Variants in PNLIPRP3 observed in about 807,000 individuals in gnomAD.
PNLIPRP3 encodes pancreatic lipase-related protein 3.
In PNLIPRP3, 58 loss-of-function variants were observed where a neutral mutation model predicts 52.8. That is an observed-to-expected ratio of 1.10 (90% CI 0.89 to 1.37). PNLIPRP3 has a LOEUF of 1.37. PNLIPRP3 is among the 40% of genes most tolerant of loss of function. The pLI, the probability that PNLIPRP3 is intolerant of heterozygous loss-of-function variation, is 0.00. For synonymous variants in PNLIPRP3, 192 were observed against 185.0 expected (o/e 1.04, Z -0.31); for missense variants, 593 against 561.6 (o/e 1.06, Z -0.57).
intron 1 of PNLIPRP3, 115 bp downstream of exon 1, chr10:116,428,176 G>T: frequency 4.1e-6 from 3 of 725,258 alleles, no homozygotes; most frequent in Non-Finnish European, 6.8e-6. Flanking sequence ...TCATTCTTAA[G>T]TAGTTTATTG....
At chr10:116,442,865 A>AAAT (rs902740516) in intron 2 of PNLIPRP3, among the ~76,000 whole-genome samples, 190 bp from the exon 3 acceptor site, 4 of 152,182 alleles carry the variant, frequency 2.6e-5, no homozygotes, top group East Asian at 1.9e-4. Flanking sequence ...CACTGTCTCT[A>AAAT]AATAATAATA....
At chr10:116,434,976 T>C (rs1000479287) in intron 1 of PNLIPRP3, among the ~76,000 whole-genome samples, 7 of 152,136 alleles carry the variant, frequency 4.6e-5, no homozygotes, top group African/African-American at 1.7e-4. Flanking sequence ...ATGATCCAAA[T>C]ATGGAGTAAC....
At chr10:116,440,066 G>C in intron 2 of PNLIPRP3, 1 of 707,260 alleles carries the variant, frequency 1.4e-6, no homozygotes, top group Non-Finnish European at 2.5e-6. Flanking sequence ...TTGTTCGCTA[G>C]TAGATCAACT....
At position 116,461,141 on chromosome 10, in the gene PNLIPRP3, C is replaced by A. The variant is rs200957257; in HGVS notation, c.686-27C>A. 11 of 1,614,088 alleles carry A rather than the reference C, an allele frequency of 6.8e-6. No homozygotes were observed. The Admixed American group carries it at 1.7e-4, about 24-fold the overall frequency. ...GAAGCATAGAGGAGATTTTTAGAGG[C>A]ATTTACCCTGTTTTTATTTATTTCA... On this transcript the variant is annotated intron_variant, in intron 6 of 11. Coordinates refer to ENST00000369230, the MANE Select transcript of PNLIPRP3 (RefSeq NM_001011709.3).
chr10:116,455,721 GA>G lies in PNLIPRP3; in HGVS notation c.462del (p.Lys154AsnfsTer11), dbSNP rs747767087. ...EVAYFIDVLM[K>X]KFEYSPSKVH... ...CTTATTCTGTTAAACAATTCTTTCA[GA>G]AAAAATTTGAATATTCCCCTTCTAA... On this transcript the variant is annotated frameshift_variant and splice_region_variant, in exon 5 of 12. Transcript: ENST00000369230. LOFTEE classifies it high-confidence loss of function. 1.2e-6 allele frequency: 2 copies of G among 1,609,460 alleles called. No individual in the cohort carries two copies. The highest frequency in any genetic ancestry group is 2.2e-5 in the East Asian group (1 of 44,834).
intron 1 of PNLIPRP3, among the ~76,000 whole-genome samples, chr10:116,434,657 A>G (rs901097100): frequency 3.9e-5 from 6 of 152,212 alleles, no homozygotes; most frequent in Admixed American, 6.5e-5. Flanking sequence ...TAGTTATAAA[A>G]ATCTTCATTT....
In PNLIPRP3 at chr10:116,455,850, G is replaced by A. The variant is rs1321195650; in HGVS notation, c.565+20G>A. On this transcript the variant is annotated intron_variant, in intron 5 of 11. Transcript: ENST00000369230. Reference sequence around the variant, plus strand: ...TAACTGGTAAGCATGCCCTGCAGTTGGGCCTTGAGTGTGTTTAAATATTGT... The same window carrying A: ...TAACTGGTAAGCATGCCCTGCAGTTAGGCCTTGAGTGTGTTTAAATATTGT... The A allele has an allele frequency of 1.3e-6, 2 of 1,568,462 alleles. No homozygotes were observed. Among genetic ancestry groups the A allele is most frequent in the Admixed American group, 3.4e-5 (2 of 59,538 alleles).
At position 116,461,408 on chromosome 10, in the gene PNLIPRP3, A is replaced by G. The variant is rs1465395884; in HGVS notation, c.808+118A>G. On this transcript the variant is annotated intron_variant, in intron 7 of 11. Coordinates refer to ENST00000369230, the MANE Select transcript of PNLIPRP3 (RefSeq NM_001011709.3). ...TATAAAATGTATTTTCTCTCAAAAC[A>G]CAGTTGCATATAAGAAGCTCTCCCA... 15 of 1,246,080 alleles carry G rather than the reference A, an allele frequency of 1.2e-5. No individual in the cohort carries two copies. In the East Asian group the frequency reaches 3.2e-4, roughly 27 times the overall value. The allele number at this position is 1,246,080 out of a possible 1,614,324, so 77.2% of individuals were successfully genotyped here.
intron 1 of PNLIPRP3, among the ~76,000 whole-genome samples, chr10:116,432,610 G>A (rs1247918559): frequency 6.6e-6 from 1 of 152,152 alleles, no homozygotes; most frequent in Non-Finnish European, 1.5e-5. Flanking sequence ...AACTAATGAT[G>A]CCATGATGGC....
Position 116,452,047 on chromosome 10 carries a change from C to A in PNLIPRP3, c.457-3675C>A, listed in dbSNP as rs543086869. Among the ~76,000 whole-genome samples the A allele has an allele frequency of 4.9e-4, 75 of 152,222 alleles. No homozygotes were observed. The South Asian group carries it at 0.012, about 25-fold the overall frequency. On this transcript the variant is annotated intron_variant, in intron 4 of 11. Transcript: ENST00000369230. ...TGATAGAGATATGGACAGTGAAATC[C>A]AGGCTGATGAAGTCTCAGATAGAAA...
At chr10:116,467,738 A>T (rs1001873696) in intron 8 of PNLIPRP3, among the ~76,000 whole-genome samples, 2 of 152,200 alleles carry the variant, frequency 1.3e-5, no homozygotes, top group Admixed American at 1.3e-4. Context: ...TGATGTAGAT[A>T]GATCTAATGT....
intron 10 of PNLIPRP3, among the ~76,000 whole-genome samples, chr10:116,473,473 C>T (rs1846406554): frequency 6.6e-6 from 1 of 152,124 alleles, no homozygotes; most frequent in South Asian, 2.1e-4. Context: ...ACTTGTGCAA[C>T]TCACAAATAA....
chr10:116,467,614 C>T (rs925455745), intron 8 of PNLIPRP3, among the ~76,000 whole-genome samples: 60 of 152,146 alleles, frequency 3.9e-4, no homozygotes, highest in Non-Finnish European at 3.7e-4. Context: ...TCCCTTCAAT[C>T]CTTCCCCTAA....
chr10:116,428,063 T>C lies in PNLIPRP3; in HGVS notation c.49+2T>C, dbSNP rs945102518. On this transcript the variant is annotated splice_donor_variant, in intron 1 of 11. Coordinates refer to ENST00000369230, the MANE Select transcript of PNLIPRP3 (RefSeq NM_001011709.3). LOFTEE classifies it high-confidence loss of function. ...TCTTGTTCTTTGGCACATCAAGAGG[T>C]AAGATTCATAATTTATAATAAGTTC... The C allele has an allele frequency of 2.5e-6, 4 of 1,593,238 alleles. No homozygotes were observed. The highest frequency in any genetic ancestry group is 1.7e-5 in the Admixed American group (1 of 59,514).
chr10:116,475,375 G>A (rs1337777123), intron 10 of PNLIPRP3, among the ~76,000 whole-genome samples: 1 of 152,082 alleles, frequency 6.6e-6, no homozygotes, highest in Non-Finnish European at 1.5e-5. Context: ...CTGTACAACA[G>A]ACACATGTTT....
rs1388130160 is a variant in PNLIPRP3 at position 116,477,467 on chromosome 10, A to C, written c.*314A>C. Reference sequence around the variant, plus strand: ...TGATGCAAATGTATGTTGAGTGTATAAACTCACTGGACAAAAGTAAGCCTC... The same window carrying C: ...TGATGCAAATGTATGTTGAGTGTATCAACTCACTGGACAAAAGTAAGCCTC... On this transcript the variant is annotated 3_prime_UTR_variant, in exon 12 of 12. Transcript: ENST00000369230. 1 of 189,500 alleles carries C rather than the reference A, an allele frequency of 5.3e-6. No homozygotes were observed. Among genetic ancestry groups the C allele is most frequent in the Non-Finnish European group, 1.1e-5 (1 of 94,072 alleles). 11.7% of individuals were successfully genotyped at this position (189,500 alleles called of 1,614,324 possible). A position where few individuals can be genotyped will look rare whatever the true frequency, so the allele number is the denominator to read the frequency against.
chr10:116,474,382 G>A (rs1173215072), intron 10 of PNLIPRP3, among the ~76,000 whole-genome samples: 1 of 152,172 alleles, frequency 6.6e-6, no homozygotes, highest in Non-Finnish European at 1.5e-5. Context: ...TCAGGACACA[G>A]GCACAGGCAA....
chr10:116,435,380 A>G (rs1393021622), intron 1 of PNLIPRP3, among the ~76,000 whole-genome samples: 6 of 151,614 alleles, frequency 4.0e-5, no homozygotes, highest in Admixed American at 2.6e-4. Flanking sequence ...TCTAATGAAT[A>G]TGTTGTATGG....
Position 116,462,986 on chromosome 10 carries a change from C to T in PNLIPRP3, c.808+1696C>T, listed in dbSNP as rs1019117644. Among the ~76,000 whole-genome samples the T allele has an allele frequency of 2.0e-5, 3 of 152,098 alleles. 1 individual carries two copies. Among genetic ancestry groups the T allele is most frequent in the Admixed American group, 6.5e-5 (1 of 15,268 alleles). On this transcript the variant is annotated intron_variant, in intron 7 of 11. Transcript: ENST00000369230. ...TAAATTTATTACTAACAAACCATTA[C>T]TTTTAAAATTAATAGTTTGCTATAT...
Sources: allele counts gnomAD v4.1 joint callset (sites outside exome capture counted in the v4.1 genomes callset), GRCh38; gene constraint gnomAD v4.1.1; transcripts MANE v1.5; gene names NCBI Gene and HGNC (gene_info 2026-07-23, HGNC 2026-07-21).